The following SLC13A3 variants were observed in gnomAD, a reference collection of about 807,000 sequenced individuals.
SLC13A3 encodes the protein Na(+)/dicarboxylate cotransporter 3.
A neutral mutation model predicts 59.0 loss-of-function variants in SLC13A3; 40 were observed. The ratio of observed to expected loss-of-function variants is 0.68; its 90% CI spans 0.53 to 0.88. The LOEUF is 0.88. SLC13A3 is among the 40% of genes least tolerant of loss of function. The pLI, the probability that SLC13A3 is intolerant of heterozygous loss-of-function variation, is 0.00. For synonymous variants in SLC13A3, 317 were observed against 330.3 expected (o/e 0.96, Z 0.44); for missense variants, 699 against 783.2 (o/e 0.89, Z 1.28).
intron 11 of SLC13A3, among the ~76,000 whole-genome samples, chr20:46,564,364 G>T (rs902336950): frequency 2.6e-5 from 4 of 152,180 alleles, no homozygotes; most frequent in Non-Finnish European, 4.4e-5. Flanking sequence ...TACTTAAATA[G>T]GATATTTTTG....
At chr20:46,647,004 G>A (rs142072946) in intron 1 of SLC13A3, among the ~76,000 whole-genome samples, 162 of 152,258 alleles carry the variant, frequency 1.1e-3, no homozygotes, top group Middle Eastern at 3.4e-3. Flanking sequence ...CCTTACAGGT[G>A]TACTACCATC....
chr20:46,583,474 C>T (rs1318916287), intron 9 of SLC13A3, 98 bp downstream of exon 9: 6 of 1,529,766 alleles, frequency 3.9e-6, no homozygotes, highest in Admixed American at 2.1e-5. Context: ...GGAAGGACCA[C>T]GTGGTTAGTG....
Position 46,568,622 on chromosome 20 carries a change from G to A in SLC13A3, c.1333-2232C>T, listed in dbSNP as rs7273740. Among the ~76,000 whole-genome samples the A allele has an allele frequency of 5.3e-3, 810 of 152,274 alleles. 12 individuals are homozygous for A. The highest frequency in any genetic ancestry group is 0.019 in the African/African-American group (777 of 41,534). On this transcript the variant is annotated intron_variant, in intron 10 of 12. Coordinates refer to ENST00000279027, the MANE Select transcript of SLC13A3 (RefSeq NM_022829.6). The stretch of plus-strand genomic sequence containing the variant: ...CCTGGGGAATACGGTAAGTGGCAGC[G>A]TGGAGGCCACAGCCCCTAACCTGGC...
intron 8 of SLC13A3, chr20:46,584,177 C>T (rs6124822): frequency 1.5e-4 from 152 of 985,218 alleles, no homozygotes; most frequent in Non-Finnish European, 1.8e-4. Context: ...ACAATGTGTC[C>T]TTTAGGGGAG....
At chr20:46,646,683 C>G (rs1368352489) in intron 1 of SLC13A3, among the ~76,000 whole-genome samples, 1 of 152,172 alleles carries the variant, frequency 6.6e-6, no homozygotes, top group Non-Finnish European at 1.5e-5. Flanking sequence ...CTCTGAGCCT[C>G]AGTTTCATCA....
intron 1 of SLC13A3, among the ~76,000 whole-genome samples, chr20:46,635,589 T>A (rs2062787824): frequency 6.6e-6 from 1 of 152,190 alleles, no homozygotes; most frequent in Non-Finnish European, 1.5e-5. Context: ...CCTACCCTGC[T>A]TTTGTTCTCC....
At chr20:46,580,517 A>C (rs1490590312) in intron 9 of SLC13A3, among the ~76,000 whole-genome samples, 1 of 150,858 alleles carries the variant, frequency 6.6e-6, no homozygotes, top group Non-Finnish European at 1.5e-5. Context: ...TATATAAAAT[A>C]AGTGTTACCT....
chr20:46,601,851 GGGA>G (rs1178078230), intron 3 of SLC13A3, among the ~76,000 whole-genome samples: 1 of 152,120 alleles, frequency 6.6e-6, no homozygotes, highest in African/African-American at 2.4e-5. Context: ...AGGGGCCAGA[GGGA>G]GGAGAAGAGT....
chr20:46,573,791 C>A (rs1221723089), intron 10 of SLC13A3, among the ~76,000 whole-genome samples: 3 of 152,198 alleles, frequency 2.0e-5, no homozygotes, highest in African/African-American at 7.2e-5. Flanking sequence ...TGACCAGGTA[C>A]TGAGATTCCC....
At chr20:46,626,135 CTCTG>C (rs1171479840) in intron 1 of SLC13A3, among the ~76,000 whole-genome samples, 7 of 151,474 alleles carry the variant, frequency 4.6e-5, no homozygotes, top group African/African-American at 1.7e-4. Context: ...CTCTCTCTCT[CTCTG>C]TCTCTCTGTC....
At chr20:46,663,067 G>A (rs1297031407) in intron 1 of SLC13A3, among the ~76,000 whole-genome samples, 2 of 152,122 alleles carry the variant, frequency 1.3e-5, no homozygotes, top group African/African-American at 4.8e-5. Flanking sequence ...AGGTAGGATT[G>A]CTTGAGACCA....
At chr20:46,681,285 C>T (rs972478863) in intron 1 of SLC13A3, among the ~76,000 whole-genome samples, 1 of 152,144 alleles carries the variant, frequency 6.6e-6, no homozygotes, top group African/African-American at 2.4e-5. Context: ...GCATAATTAG[C>T]ACAGTGCCTG....
chr20:46,635,459 C>A (rs576838314), intron 1 of SLC13A3, among the ~76,000 whole-genome samples: 25 of 152,308 alleles, frequency 1.6e-4, no homozygotes, highest in African/African-American at 5.8e-4. Context: ...AGGGCTTGCT[C>A]CTTCACCTTC....
At chr20:46,591,472 A>G (rs544075206) in intron 6 of SLC13A3, among the ~76,000 whole-genome samples, 115 of 152,362 alleles carry the variant, frequency 7.5e-4, no homozygotes, top group South Asian at 1.2e-3. Context: ...TAAGCAAAAT[A>G]AATATAGGAA....
chr20:46,645,644 C>T (rs772208856), intron 1 of SLC13A3, among the ~76,000 whole-genome samples: 5 of 152,200 alleles, frequency 3.3e-5, no homozygotes, highest in East Asian at 1.9e-4. Flanking sequence ...AAAACAAAGT[C>T]TCAGTTTGGT....
At chr20:46,613,823 TG>T in intron 1 of SLC13A3, 98 bp from the exon 2 acceptor site, 1 of 992,096 alleles carries the variant, frequency 1.0e-6, no homozygotes, top group Non-Finnish European at 1.4e-6. Flanking sequence ...AGGCCTGGGC[TG>T]GGGGCAGAGG....
At chr20:46,583,545 C>T (rs1295275063) in intron 9 of SLC13A3, 27 bp downstream of exon 9, 4 of 1,611,888 alleles carry the variant, frequency 2.5e-6, no homozygotes, top group Non-Finnish European at 2.5e-6. Flanking sequence ...ACTGAGCCCA[C>T]CGAGACCCCA....
chr20:46,627,770 G>A (rs1049103614), intron 1 of SLC13A3, among the ~76,000 whole-genome samples: 2 of 152,138 alleles, frequency 1.3e-5, no homozygotes, highest in African/African-American at 2.4e-5. Flanking sequence ...CCACACATAC[G>A]CAATACTGAA....
At chr20:46,582,978 C>T (rs1285773731) in intron 9 of SLC13A3, 1 of 985,338 alleles carries the variant, frequency 1.0e-6, no homozygotes, top group Non-Finnish European at 1.2e-6. Flanking sequence ...GCAGTTTTTC[C>T]TCAGTCCCCA....
Sources: gnomAD v4.1 joint callset for allele counts (sites outside exome capture counted in the v4.1 genomes callset) on GRCh38, gnomAD v4.1.1 for gene constraint, MANE v1.5 for transcripts, NCBI Gene and HGNC (gene_info 2026-07-23, HGNC 2026-07-21) for gene names.